IPO11: variants seen among roughly 807,000 people sequenced by gnomAD.
IPO11 encodes the protein importin-11.
In IPO11, 66 loss-of-function variants were observed where a neutral mutation model predicts 143.2. That is an observed-to-expected ratio of 0.46 (90% CI 0.38 to 0.57). The LOEUF (loss-of-function observed/expected upper bound fraction) is 0.57, where lower values mean the gene tolerates loss of function less well. Among genes scored for constraint, IPO11 ranks in the 20% least tolerant of loss-of-function variants. IPO11 has a pLI of 0.00. For synonymous variants in IPO11, 385 were observed against 377.8 expected, an observed-to-expected ratio of 1.02 and a Z score of -0.22; for missense variants, 1,026 against 1,141.0, an observed-to-expected ratio of 0.90 and a Z score of 1.45.
intron 26 of IPO11, among the ~76,000 whole-genome samples, chr5:62,552,473 G>GA: frequency 7.4e-6 from 1 of 135,156 alleles, no homozygotes; most frequent in South Asian, 2.4e-4. Flanking sequence ...ATATTTTTTA[G>GA]TTTTTTTTTT....
chr5:62,441,205 CTT>C (rs1744463239), intron 2 of IPO11, among the ~76,000 whole-genome samples: 1 of 151,958 alleles, frequency 6.6e-6, no homozygotes. Context: ...CTTTATCTCT[CTT>C]GTTTTTTGAG....
At chr5:62,509,875 T>C (rs554579951) in intron 19 of IPO11, among the ~76,000 whole-genome samples, 1 of 152,336 alleles carries the variant, frequency 6.6e-6, no homozygotes, top group East Asian at 1.9e-4. Flanking sequence ...AATAATTTCT[T>C]TGGGATCCTG....
intron 29 of IPO11, among the ~76,000 whole-genome samples, chr5:62,610,716 C>T (rs1745895536): frequency 6.6e-6 from 1 of 152,158 alleles, no homozygotes; most frequent in Non-Finnish European, 1.5e-5. Flanking sequence ...TACCATTGCA[C>T]AACTAAATAT....
rs1744264690 is a variant in IPO11, at chr5:62,436,908, TCTC to T, written c.-6-363_-6-361del. 1.1e-4 allele frequency among the ~76,000 whole-genome samples: 16 copies of T among 152,328 alleles called. No homozygotes were observed. In the South Asian group the frequency reaches 3.1e-3, roughly 30 times the overall value. On this transcript the variant is annotated intron_variant, in intron 1 of 29. Transcript: ENST00000325324. ...TTAATACTTTTATAACACTTATTAA[TCTC>T]CTTTTTAAAACGAAGACAGAAGACA...
At chr5:62,453,779 A>G (rs149540) in intron 5 of IPO11, among the ~76,000 whole-genome samples, 84,790 of 151,984 alleles carry the variant, frequency 0.56, 23,990 homozygotes, top group South Asian at 0.68. Flanking sequence ...GAATTTTTAT[A>G]TACACCAAAG....
chr5:62,580,625 T>G, intron 27 of IPO11: 1 of 1,551,470 alleles, frequency 6.4e-7, no homozygotes, highest in Non-Finnish European at 8.7e-7. Flanking sequence ...GGCAGAGCAT[T>G]ACGTTATATT....
intron 27 of IPO11, among the ~76,000 whole-genome samples, chr5:62,563,618 A>G (rs40404): frequency 0.061 from 9,260 of 152,140 alleles, 405 homozygotes; most frequent in East Asian, 0.14. Flanking sequence ...ATATAACAAG[A>G]TATTTTGGGG....
chr5:62,527,341 A>C (rs931218033), intron 21 of IPO11, among the ~76,000 whole-genome samples: 3 of 152,206 alleles, frequency 2.0e-5, no homozygotes, highest in African/African-American at 4.8e-5. Context: ...TCTTTGTTGC[A>C]ACTATTTGAC....
intron 27 of IPO11, among the ~76,000 whole-genome samples, chr5:62,572,927 A>G (rs531553437): frequency 6.6e-6 from 1 of 152,126 alleles, no homozygotes; most frequent in African/African-American, 2.4e-5. Context: ...GTCACTGCAC[A>G]TTGTTCATTT....
intron 19 of IPO11, among the ~76,000 whole-genome samples, chr5:62,515,175 T>C (rs2112285234): frequency 6.6e-6 from 1 of 152,360 alleles, no homozygotes; most frequent in African/African-American, 2.4e-5. Flanking sequence ...ACTTGATATT[T>C]GTTTAAAATT....
intron 27 of IPO11, chr5:62,579,731 A>T (rs1019343976): frequency 1.3e-6 from 2 of 1,547,846 alleles, no homozygotes; most frequent in Non-Finnish European, 1.7e-6. Context: ...AACATTCTGT[A>T]TGTATATCCA....
In IPO11 at chr5:62,550,468, A is replaced by AT. The variant is rs753543530; in HGVS notation, c.2346+11dup. On this transcript the variant is annotated splice_region_variant and intron_variant, in intron 25 of 29. Coordinates refer to ENST00000325324, the MANE Select transcript of IPO11 (RefSeq NM_016338.5). ...AGGGTATTATAGAAGGGGAGGTAAG[A>AT]TTTTTCTTTAAGTTCCAAAGGTAGT... is the stretch of plus-strand genomic sequence containing the variant. 6.3e-7 allele frequency: 1 copy of AT among 1,588,728 alleles called. No homozygotes were observed. The highest frequency in any genetic ancestry group is 8.6e-7 in the Non-Finnish European group (1 of 1,159,128).
intron 1 of IPO11, among the ~76,000 whole-genome samples, chr5:62,431,585 C>G (rs1743989005): frequency 6.6e-6 from 1 of 152,038 alleles, no homozygotes; most frequent in African/African-American, 2.4e-5. Flanking sequence ...TAGTCTACCC[C>G]CACCAGGCTA....
rs563584694 is a variant in IPO11, at chr5:62,535,719, C to T, written c.2090-983C>T. ...TTTGTGAAAATAAATGGAAAATTCA[C>T]ATCTGAATAGAATGTCTTCTTTTTA... On this transcript the variant is annotated intron_variant, in intron 22 of 29. Coordinates refer to ENST00000325324, the MANE Select transcript of IPO11 (RefSeq NM_016338.5). Among the ~76,000 whole-genome samples the T allele has an allele frequency of 4.5e-4, 68 of 152,194 alleles. 1 individual carries two copies. The highest frequency in any genetic ancestry group is 1.6e-3 in the African/African-American group (67 of 41,556).
intron 27 of IPO11, among the ~76,000 whole-genome samples, chr5:62,590,908 T>A (rs1048698214): frequency 2.0e-5 from 3 of 151,492 alleles, no homozygotes; most frequent in Non-Finnish European, 2.9e-5. Flanking sequence ...TTTGCCTTTT[T>A]AAAAAAAAAT....
At chr5:62,553,958 T>C (rs1045852314) in intron 26 of IPO11, among the ~76,000 whole-genome samples, 2 of 152,116 alleles carry the variant, frequency 1.3e-5, no homozygotes, top group African/African-American at 2.4e-5. Flanking sequence ...CTCGAACTCC[T>C]GACCTCAGGT....
intron 1 of IPO11, among the ~76,000 whole-genome samples, chr5:62,430,667 A>C (rs1157069934): frequency 2.0e-5 from 3 of 150,910 alleles, no homozygotes; most frequent in Non-Finnish European, 4.4e-5. Flanking sequence ...ATTTAATTTA[A>C]TTTAATTACT....
At chr5:62,449,551 A>G (rs1012108809) in intron 3 of IPO11, among the ~76,000 whole-genome samples, 3 of 151,972 alleles carry the variant, frequency 2.0e-5, no homozygotes, top group South Asian at 2.1e-4. Flanking sequence ...TTTTACATCA[A>G]TAAAAGTGAA....
At chr5:62,598,515 TTTC>T (rs1388542763) in intron 28 of IPO11, among the ~76,000 whole-genome samples, 8 of 7,168 alleles carry the variant, frequency 1.1e-3, no homozygotes, top group East Asian at 0.021. Flanking sequence ...TCTTTCTTTC[TTTC>T]TTTCTTTCTT....
Sources: allele counts gnomAD v4.1 joint callset (sites outside exome capture counted in the v4.1 genomes callset), GRCh38; gene constraint gnomAD v4.1.1; transcripts MANE v1.5; gene names NCBI Gene and HGNC (gene_info 2026-07-23, HGNC 2026-07-21).